Variants in PHF3 observed in about 807,000 individuals in gnomAD.
The protein encoded by PHF3 is PHD finger protein 3.
In PHF3, 41 loss-of-function variants were observed where a neutral mutation model predicts 178.4. The observed-to-expected ratio is 0.23, with a 90% confidence interval of 0.18 to 0.30. The LOEUF (loss-of-function observed/expected upper bound fraction) is 0.30, where lower values mean the gene tolerates loss of function less well. PHF3 is among the 10% of genes least tolerant of loss of function. The pLI, the probability that PHF3 is intolerant of heterozygous loss-of-function variation, is 1.00. For synonymous variants in PHF3, 842 were observed against 800.5 expected (o/e 1.05, Z -0.88); for missense variants, 2,346 against 2,398.1 (o/e 0.98, Z 0.45).
In PHF3 at chr6:63,711,770, A is replaced by G. The variant is rs1267808257; in HGVS notation, c.4182A>G (p.Glu1394=). Residue 1394 remains glutamate (E), a synonymous_variant, in exon 16 of 16, where the codon GAA becomes GAG. Coordinates refer to ENST00000262043, the MANE Select transcript of PHF3 (RefSeq NM_001370348.2). ...TTTCTACAGAAGAAGCACCAGAGGAAGAAAATGACTTTTTTAATTCTTTTA... is the reference window on the plus strand; with the variant it reads ...TTTCTACAGAAGAAGCACCAGAGGAGGAAAATGACTTTTTTAATTCTTTTA... ...IEVSTEEAPE[E]ENDFFNSFTT... is the part of the protein sequence containing the mutation. 1.9e-6 allele frequency: 3 copies of G among 1,613,118 alleles called. No homozygotes were observed. The highest frequency in any genetic ancestry group is 2.2e-5 in the East Asian group (1 of 44,866).
At chr6:63,665,016 T>G (rs1485260300) in intron 2 of PHF3, among the ~76,000 whole-genome samples, 2 of 152,152 alleles carry the variant, frequency 1.3e-5, no homozygotes, top group Non-Finnish European at 2.9e-5. Context: ...AAATAATTAT[T>G]ACTATATGAG....
At chr6:63,658,983 T>C (rs76655780) in intron 2 of PHF3, among the ~76,000 whole-genome samples, 5,662 of 152,194 alleles carry the variant, frequency 0.037, 185 homozygotes, top group South Asian at 0.11. Flanking sequence ...ACCTAATTGA[T>C]TGTGGCTGAC....
At chr6:63,686,381 C>T (rs958929828) in intron 4 of PHF3, 3 of 152,714 alleles carry the variant, frequency 2.0e-5, no homozygotes, top group African/African-American at 7.2e-5. Flanking sequence ...TTAAAGAACA[C>T]CATTTCATAA....
At position 63,713,573 on chromosome 6, in the gene PHF3, G is replaced by A; in HGVS notation, c.5985G>A (p.Lys1995=). ...ASRDSRNVDK[K]PDKPKSEDYE... ...GAGATAGTAGGAATGTAGACAAGAAGCCAGATAAACCTAAAAGTGAAGACT... is the reference window on the plus strand; with the variant it reads ...GAGATAGTAGGAATGTAGACAAGAAACCAGATAAACCTAAAAGTGAAGACT... The change falls in exon 16 of 16, where the codon AAG becomes AAA. Residue 1995 remains lysine, a synonymous_variant. Transcript: ENST00000262043. 6.2e-7 allele frequency: 1 copy of A among 1,613,554 alleles called. No individual in the cohort carries two copies. Among genetic ancestry groups the A allele is most frequent in the Non-Finnish European group, 8.5e-7 (1 of 1,179,836 alleles).
rs754087464 is a variant in PHF3, at chr6:63,698,282, C to T, written c.2740C>T (p.His914Tyr). 8.1e-6 allele frequency: 13 copies of T among 1,612,810 alleles called. No individual in the cohort carries two copies. Among genetic ancestry groups the T allele is most frequent in the African/African-American group, 1.3e-5 (1 of 74,914 alleles). Residue 914 changes from histidine (H) to tyrosine (Y), a missense_variant, in exon 7 of 16, where the codon CAT becomes TAT. Transcript: ENST00000262043. ...AGTTGAAAAAGGAGTGCTTAATGTACATCCTGCTGCTTCTGCTTCCAAGCC... is the reference window on the plus strand; with the variant it reads ...AGTTGAAAAAGGAGTGCTTAATGTATATCCTGCTGCTTCTGCTTCCAAGCC... ...KKVEKGVLNV[H>Y]PAASASKPSA... is the part of the protein sequence containing the mutation.
chr6:63,644,226 T>C (rs1764688349), intron 1 of PHF3, among the ~76,000 whole-genome samples: 1 of 152,140 alleles, frequency 6.6e-6, no homozygotes, highest in Non-Finnish European at 1.5e-5. Context: ...GAAAAAAGAT[T>C]ACTAATTGGG....
intron 3 of PHF3, among the ~76,000 whole-genome samples, chr6:63,680,645 C>G: frequency 6.6e-6 from 1 of 151,678 alleles, no homozygotes; most frequent in East Asian, 1.9e-4. Context: ...TCTTGTATGA[C>G]TTCTTGTGTT....
intron 5 of PHF3, among the ~76,000 whole-genome samples, chr6:63,692,627 C>T (rs959048140): frequency 6.6e-5 from 10 of 152,112 alleles, no homozygotes; most frequent in Admixed American, 3.3e-4. Context: ...ACAGTGGCAA[C>T]ACATGTATGT....
At position 63,719,852 on chromosome 6, in the gene PHF3, ACTC is replaced by A. The variant is rs1436047935; in HGVS notation, c.*6145_*6147del. ...GCAAAAAGCAACAGGCTTCTGCACT[ACTC>A]TTCTCTCCAGAGGCAACCATTTTTA... On this transcript the variant is annotated 3_prime_UTR_variant, in exon 16 of 16. Transcript: ENST00000262043. 1 of 151,994 alleles carries A rather than the reference ACTC, an allele frequency of 6.6e-6. No homozygotes were observed. Among genetic ancestry groups the A allele is most frequent in the East Asian group, 1.9e-4 (1 of 5,202 alleles). 9.4% of individuals were successfully genotyped at this position (151,994 alleles called of 1,614,324 possible).
At chr6:63,701,790 C>CA (rs1767488626) in intron 9 of PHF3, among the ~76,000 whole-genome samples, 1 of 152,124 alleles carries the variant, frequency 6.6e-6, no homozygotes, top group African/African-American at 2.4e-5. Context: ...CAAATATGCA[C>CA]ATGCCACTCT....
At chr6:63,657,539 A>C (rs756408685) in intron 2 of PHF3, among the ~76,000 whole-genome samples, 1 of 152,212 alleles carries the variant, frequency 6.6e-6, no homozygotes, top group Non-Finnish European at 1.5e-5. Flanking sequence ...ATCAAAAAGA[A>C]TATGTATTTA....
chr6:63,704,928 G>A (rs1289909921), intron 11 of PHF3, among the ~76,000 whole-genome samples: 3 of 152,124 alleles, frequency 2.0e-5, no homozygotes, highest in Admixed American at 2.0e-4. Context: ...CTACATCTTT[G>A]CTAGCATTTG....
intron 2 of PHF3, among the ~76,000 whole-genome samples, chr6:63,669,018 G>A (rs1765797253): frequency 6.6e-6 from 1 of 152,160 alleles, no homozygotes; most frequent in African/African-American, 2.4e-5. Context: ...TGAGGGTTTG[G>A]TAGAAAATTT....
Position 63,714,551 on chromosome 6 carries a change from C to T in PHF3, c.*843C>T, listed in dbSNP as rs1768116413. Reference sequence around the variant, plus strand: ...TGATTTTTTGTTACTCAGCCAAGAACATATAGAAATAGCTATCTATGTCAG... The same window carrying T: ...TGATTTTTTGTTACTCAGCCAAGAATATATAGAAATAGCTATCTATGTCAG... On this transcript the variant is annotated 3_prime_UTR_variant, in exon 16 of 16. Transcript: ENST00000262043. 1 of 152,364 alleles carries T rather than the reference C, an allele frequency of 6.6e-6. No individual in the cohort carries two copies. The highest frequency in any genetic ancestry group is 1.5e-5 in the Non-Finnish European group (1 of 67,940). The allele number at this position is 152,364 out of a possible 1,614,324, so 9.4% of individuals were successfully genotyped here.
intron 14 of PHF3, 119 bp from the exon 15 acceptor site, chr6:63,711,048 G>A (rs771494949): frequency 1.4e-5 from 9 of 652,178 alleles, no homozygotes; most frequent in South Asian, 5.6e-5. Flanking sequence ...GGTAAACCAC[G>A]TTATTTGGTA....
chr6:63,700,868 C>T (rs1242956975), intron 9 of PHF3, among the ~76,000 whole-genome samples: 1 of 152,152 alleles, frequency 6.6e-6, no homozygotes. Flanking sequence ...AGGCATGAGC[C>T]ACCTACATGC....
chr6:63,688,810 AAAT>A (rs1253310940), intron 4 of PHF3, among the ~76,000 whole-genome samples: 1 of 152,196 alleles, frequency 6.6e-6, no homozygotes, highest in Non-Finnish European at 1.5e-5. Flanking sequence ...GCATGTTTGG[AAAT>A]AATTTTGATC....
At chr6:63,681,120 C>A (rs1403851365) in intron 3 of PHF3, among the ~76,000 whole-genome samples, 1 of 152,038 alleles carries the variant, frequency 6.6e-6, no homozygotes, top group Admixed American at 6.6e-5. Context: ...CATTTTCCTT[C>A]AGAAATTCTG....
In PHF3 at chr6:63,715,144, T is replaced by A. The variant is rs1289910973; in HGVS notation, c.*1436T>A. The A allele has an allele frequency of 6.6e-6, 1 of 152,160 alleles. No homozygotes were observed. Among genetic ancestry groups the A allele is most frequent in the Non-Finnish European group, 1.5e-5 (1 of 68,006 alleles). 9.4% of individuals were successfully genotyped at this position (152,160 alleles called of 1,614,324 possible). A position where few individuals can be genotyped will look rare whatever the true frequency, so the allele number is the denominator to read the frequency against. ...AATTGGTTTTGAAACAGAATTATCC[T>A]TGTTATTTTTGCTGGAGAGAAGGGA... On this transcript the variant is annotated 3_prime_UTR_variant, in exon 16 of 16. Coordinates refer to ENST00000262043, the MANE Select transcript of PHF3 (RefSeq NM_001370348.2).
Sources: allele counts gnomAD v4.1 joint callset (sites outside exome capture counted in the v4.1 genomes callset), GRCh38; gene constraint gnomAD v4.1.1; transcripts MANE v1.5; gene names NCBI Gene and HGNC (gene_info 2026-07-23, HGNC 2026-07-21).